The following RPL28 variants were observed in gnomAD, a reference collection of about 807,000 sequenced individuals.
RPL28 encodes large ribosomal subunit protein eL28.
In RPL28, 4 loss-of-function variants were observed where a neutral mutation model predicts 12.5. That is an observed-to-expected ratio of 0.32 (90% CI 0.16 to 0.73). The LOEUF (loss-of-function observed/expected upper bound fraction) is 0.73, where lower values mean the gene tolerates loss of function less well. Ranked by LOEUF, RPL28 falls within the 30% of genes least tolerant of loss-of-function variation. The pLI, the probability that RPL28 is intolerant of heterozygous loss-of-function variation, is 0.66. For missense variants in RPL28, 214 were observed against 197.7 expected (o/e 1.08, Z -0.49); for synonymous variants, 91 against 72.5 (o/e 1.26, Z -1.30).
chr19:55,391,735 C>G lies in RPL28; in HGVS notation c.*3403C>G, dbSNP rs201856628. The G allele has an allele frequency of 2.0e-6, 3 of 1,507,040 alleles. No homozygotes were observed. Among genetic ancestry groups the G allele is most frequent in the Non-Finnish European group, 2.7e-6 (3 of 1,113,710 alleles). 93.4% of individuals were successfully genotyped at this position (1,507,040 alleles called of 1,614,324 possible). ...AACCTGCTTGACTGTGCCCACAAAT[C>G]CTGATTGTAGGAATAAATTAATGAC... On this transcript the variant is annotated 3_prime_UTR_variant, in exon 5 of 5. Transcript: ENST00000344063.
rs2089964213 is a variant in RPL28 at position 55,389,057 on chromosome 19, A to G, written c.*725A>G. The G allele has an allele frequency of 1.0e-6, 1 of 985,126 alleles. No homozygotes were observed. Among genetic ancestry groups the G allele is most frequent in the African/African-American group, 1.7e-5 (1 of 57,190 alleles). The allele number at this position is 985,126 out of a possible 1,614,324, so 61.0% of individuals were successfully genotyped here. A position where few individuals can be genotyped will look rare whatever the true frequency, so the allele number is the denominator to read the frequency against. On this transcript the variant is annotated 3_prime_UTR_variant, in exon 5 of 5. Transcript: ENST00000344063. ...TCATCTCAGTGGCCGCTCCTGGGCC[A>G]CCCTGTCACCCAAGCTTTCCTGATT...
chr19:55,395,579 G>A (rs2090016338), downstream of RPL28, among the ~76,000 whole-genome samples: 1 of 151,852 alleles, frequency 6.6e-6, no homozygotes, highest in Non-Finnish European at 1.5e-5. Flanking sequence ...TAGTAGCTGG[G>A]ACTACAGGCG....
intron 3 of RPL28, 81 bp downstream of exon 3, chr19:55,386,774 G>A (rs747924326): frequency 1.9e-6 from 3 of 1,612,302 alleles, no homozygotes; most frequent in East Asian, 2.2e-5. Flanking sequence ...CAGGCAGGAA[G>A]AGCGGTAACT....
intron 4 of RPL28, chr19:55,400,250 C>T (rs915015072): frequency 6.6e-6 from 1 of 152,200 alleles, no homozygotes; most frequent in African/African-American, 2.4e-5. Flanking sequence ...GTCTTTAACT[C>T]CTGGCCTCAA....
chr19:55,387,063 C>A, intron 3 of RPL28: 1 of 1,428,384 alleles, frequency 7.0e-7, no homozygotes, highest in Non-Finnish European at 9.2e-7. Flanking sequence ...GGGGCCCTCG[C>A]TACCACACTT....
In RPL28 at chr19:55,390,210, G is replaced by T; in HGVS notation, c.*1878G>T. On this transcript the variant is annotated 3_prime_UTR_variant, in exon 5 of 5. Coordinates refer to ENST00000344063, the MANE Select transcript of RPL28 (RefSeq NM_000991.5). Reference sequence around the variant, plus strand: ...ACCGGTCCTGAGAGTTTGCTCACTGGAGACTTTCTGGAGATGGAGTCTCGC... The same window carrying T: ...ACCGGTCCTGAGAGTTTGCTCACTGTAGACTTTCTGGAGATGGAGTCTCGC... 1 of 985,372 alleles carries T rather than the reference G, an allele frequency of 1.0e-6. No homozygotes were observed. Among genetic ancestry groups the T allele is most frequent in the Non-Finnish European group, 1.2e-6 (1 of 829,880 alleles). The allele number at this position is 985,372 out of a possible 1,614,324, so 61.0% of individuals were successfully genotyped here.
chr19:55,388,692 T>A lies in RPL28; in HGVS notation c.*360T>A. The A allele has an allele frequency of 1.9e-6, 2 of 1,062,978 alleles. No individual in the cohort carries two copies. The highest frequency in any genetic ancestry group is 2.3e-6 in the Non-Finnish European group (2 of 880,822). 65.8% of individuals were successfully genotyped at this position (1,062,978 alleles called of 1,614,324 possible). ...TTTTCTAGCCCAGAAGGGTGCAGGC[T>A]GAGGGCTGGGCCCTGGGCCCTGGTG... On this transcript the variant is annotated 3_prime_UTR_variant, in exon 5 of 5. Coordinates refer to ENST00000344063, the MANE Select transcript of RPL28 (RefSeq NM_000991.5).
Position 55,386,453 on chromosome 19 carries a change from G to C in RPL28, c.81+15G>C. On this transcript the variant is annotated intron_variant, in intron 2 of 4. Transcript: ENST00000344063. ...CCTACAGCACTGTAAGTGGGGCCCG[G>C]ATGCGTGGCTCCTGCGGGAGGAGGG... The C allele has an allele frequency of 1.2e-6, 2 of 1,613,440 alleles. No individual in the cohort carries two copies. The highest frequency in any genetic ancestry group is 2.2e-5 in the East Asian group (1 of 44,870).
downstream of RPL28, among the ~76,000 whole-genome samples, chr19:55,395,698 CT>C (rs2090018290): frequency 6.6e-6 from 1 of 151,982 alleles, no homozygotes; most frequent in South Asian, 2.1e-4. Flanking sequence ...CCACCTTGGC[CT>C]CCCAAAGTGC....
At chr19:55,387,660 G>A in intron 3 of RPL28, 1 of 1,388,776 alleles carries the variant, frequency 7.2e-7, no homozygotes, top group Non-Finnish European at 9.3e-7. Context: ...AACTGAAGCG[G>A]CAGCTTTCTG....
At chr19:55,387,075 G>C (rs2089937973) in intron 3 of RPL28, 2 of 1,421,744 alleles carry the variant, frequency 1.4e-6, no homozygotes, top group Admixed American at 2.7e-5. Context: ...ACCACACTTA[G>C]GAGGGGACAG....
chr19:55,394,732 C>T (rs1231779376), downstream of RPL28, among the ~76,000 whole-genome samples: 1 of 152,002 alleles, frequency 6.6e-6, no homozygotes, highest in Admixed American at 6.6e-5. Context: ...CTGCCACACC[C>T]AGCTAATTTT....
chr19:55,389,027 A>G lies in RPL28; in HGVS notation c.*695A>G, dbSNP rs1194341069. The G allele has an allele frequency of 1.0e-6, 1 of 985,410 alleles. No homozygotes were observed. The highest frequency in any genetic ancestry group is 1.2e-6 in the Non-Finnish European group (1 of 829,970). The allele number at this position is 985,410 out of a possible 1,614,324, so 61.0% of individuals were successfully genotyped here. A position where few individuals can be genotyped will look rare whatever the true frequency, so the allele number is the denominator to read the frequency against. On this transcript the variant is annotated 3_prime_UTR_variant, in exon 5 of 5. Coordinates refer to ENST00000344063, the MANE Select transcript of RPL28 (RefSeq NM_000991.5). ...CTCTTTGAGCTGGCTCTTGTCACTT[A>G]GGTCTCATCTCAGTGGCCGCTCCTG...
intron 1 of RPL28, 113 bp from the exon 2 acceptor site, chr19:55,386,237 A>G (rs1412191599): frequency 1.2e-5 from 12 of 970,332 alleles, no homozygotes; most frequent in African/African-American, 1.6e-5. Context: ...GGGGTCTCCC[A>G]TTCACCCAAG....
chr19:55,403,065 G>A (rs974286661), exon 5 of RPL28: 10 of 1,353,266 alleles, frequency 7.4e-6, no homozygotes, highest in African/African-American at 1.4e-5. Flanking sequence ...CATCTCGTAC[G>A]CTGCAGGATT....
chr19:55,386,331 T>C lies in RPL28; in HGVS notation c.-8-19T>C. ...AGTTCTCTGTGTCTGACGCTTTCCC[T>C]GTGCCCGTTTCCCCGCAGCCGCCGC... On this transcript the variant is annotated intron_variant, in intron 1 of 4. Coordinates refer to ENST00000344063, the MANE Select transcript of RPL28 (RefSeq NM_000991.5). The C allele has an allele frequency of 6.2e-7, 1 of 1,611,372 alleles. No individual in the cohort carries two copies. The highest frequency in any genetic ancestry group is 8.5e-7 in the Non-Finnish European group (1 of 1,178,500).
chr19:55,390,187 CG>C lies in RPL28; in HGVS notation c.*1857del. 1.0e-6 allele frequency: 1 copy of C among 985,440 alleles called. No homozygotes were observed. The allele number at this position is 985,440 out of a possible 1,614,324, so 61.0% of individuals were successfully genotyped here. Reference sequence around the variant, plus strand: ...TGCATATTGAATGTATAAAGCCCACCGGTCCTGAGAGTTTGCTCACTGGAGA... The same window carrying C: ...TGCATATTGAATGTATAAAGCCCACCGTCCTGAGAGTTTGCTCACTGGAGA... On this transcript the variant is annotated 3_prime_UTR_variant, in exon 5 of 5. Transcript: ENST00000344063.
At chr19:55,393,030 A>G (rs1600309503), downstream of RPL28, among the ~76,000 whole-genome samples, 1 of 151,916 alleles carries the variant, frequency 6.6e-6, no homozygotes, top group South Asian at 2.1e-4. Flanking sequence ...GAGGCTCCCC[A>G]GCACCCCTCT....
downstream of RPL28, among the ~76,000 whole-genome samples, chr19:55,394,111 A>C (rs1472648785): frequency 6.6e-6 from 1 of 152,048 alleles, no homozygotes; most frequent in East Asian, 2.0e-4. Flanking sequence ...AAATACTAAA[A>C]ACTGGCCAGA....
Sources: allele counts gnomAD v4.1 joint callset (sites outside exome capture counted in the v4.1 genomes callset), GRCh38; gene constraint gnomAD v4.1.1; transcripts MANE v1.5; gene names NCBI Gene and HGNC (gene_info 2026-07-23, HGNC 2026-07-21).